RASA1: variants seen among roughly 807,000 people sequenced by gnomAD.
RASA1 encodes the protein RAS p21 protein activator 1, also known as ras GTPase-activating protein 1.
Under a neutral mutation model 132.2 loss-of-function variants are expected in RASA1, and 25 were observed. The ratio of observed to expected loss-of-function variants is 0.19; its 90% CI spans 0.14 to 0.26. The LOEUF is 0.26. Among genes scored for constraint, RASA1 ranks in the 10% least tolerant of loss-of-function variants. The pLI, the probability that RASA1 is intolerant of heterozygous loss-of-function variation, is 1.00. For synonymous variants in RASA1, 477 were observed against 449.9 expected (o/e 1.06, Z -0.76); for missense variants, 964 against 1,299.2 (o/e 0.74, Z 3.97).
intron 1 of RASA1, among the ~76,000 whole-genome samples, chr5:87,313,508 C>T (rs1756080597): frequency 1.3e-5 from 2 of 152,138 alleles, no homozygotes; most frequent in African/African-American, 4.8e-5. Context: ...ATAGGCAGGA[C>T]TTTTTGACAG....
At position 87,291,840 on chromosome 5, in the gene RASA1, C is replaced by T. The variant is rs1472917915; in HGVS notation, c.539+22850C>T. On this transcript the variant is annotated intron_variant, in intron 1 of 24. Transcript: ENST00000274376. ...GACACCATGCTTCCTACACAGCCTG[C>T]AGAACCATGAGCCAGTTAAACCACT... Among the ~76,000 whole-genome samples the T allele has an allele frequency of 2.0e-5, 3 of 152,198 alleles. No individual in the cohort carries two copies. The East Asian group carries it at 5.8e-4, about 29-fold the overall frequency.
In RASA1 at chr5:87,383,761, G is replaced by C. The variant is rs375135791; in HGVS notation, c.2739G>C (p.Arg913=). 2.0e-5 allele frequency: 32 copies of C among 1,610,966 alleles called. No homozygotes were observed. The Admixed American group carries it at 2.2e-4, about 11-fold the overall frequency. Residue 913 remains arginine, a synonymous_variant, in exon 21 of 25, where the codon CGG becomes CGC. Coordinates refer to ENST00000274376, the MANE Select transcript of RASA1 (RefSeq NM_002890.3). The part of the protein sequence containing the change: ...RLICPAILNP[R]MFNIISDSPS... Reference sequence around the variant, plus strand: ...TCTGTCCTGCCATCCTGAATCCACGGATGTTCAATATCATCTCAGGTAATC... The same window carrying C: ...TCTGTCCTGCCATCCTGAATCCACGCATGTTCAATATCATCTCAGGTAATC...
chr5:87,298,396 G>C (rs1439620995), intron 1 of RASA1, among the ~76,000 whole-genome samples: 2 of 145,860 alleles, frequency 1.4e-5, no homozygotes, highest in Non-Finnish European at 3.0e-5. Flanking sequence ...CTGGACGACA[G>C]AGCGAGACTC....
At chr5:87,272,057 C>T (rs898058291) in intron 1 of RASA1, among the ~76,000 whole-genome samples, 1 of 150,520 alleles carries the variant, frequency 6.6e-6, no homozygotes, top group African/African-American at 2.4e-5. Flanking sequence ...GAGGTTGAGG[C>T]AGAATTGCTT....
At chr5:87,329,315 G>T in intron 1 of RASA1, among the ~76,000 whole-genome samples, 1 of 151,376 alleles carries the variant, frequency 6.6e-6, no homozygotes, top group Non-Finnish European at 1.5e-5. Context: ...GGTAGCATGT[G>T]TCTGCAGTCT....
rs150804394 is a variant in RASA1 at position 87,268,983 on chromosome 5, A to T, written c.532A>T (p.Thr178Ser). 1.2e-6 allele frequency: 2 copies of T among 1,614,220 alleles called. No homozygotes were observed. The highest frequency in any genetic ancestry group is 8.5e-7 in the Non-Finnish European group (1 of 1,180,048). The change falls in exon 1 of 25, where the codon ACT (threonine) becomes TCT (serine). Residue 178 changes from threonine to serine, a missense_variant. Coordinates refer to ENST00000274376, the MANE Select transcript of RASA1 (RefSeq NM_002890.3). The part of the protein sequence containing the change: ...EVAIPLTAPP[T>S]NQWYHGKLDR... The stretch of plus-strand genomic sequence containing the variant: ...GGCCATACCGTTGACCGCTCCTCCA[A>T]CTAACCAGTAAGTTAAGACTGCTGT...
intron 1 of RASA1, among the ~76,000 whole-genome samples, chr5:87,286,865 T>C (rs1465902583): frequency 6.7e-6 from 1 of 150,062 alleles, no homozygotes; most frequent in Non-Finnish European, 1.5e-5. Flanking sequence ...CATATACATA[T>C]ACACCATATA....
chr5:87,351,979 A>G (rs113023252), intron 8 of RASA1, among the ~76,000 whole-genome samples: 203 of 151,982 alleles, frequency 1.3e-3, no homozygotes, highest in African/African-American at 4.7e-3. Context: ...TTTTGCTTTA[A>G]AACACATAGT....
chr5:87,376,618 A>C, intron 16 of RASA1, 53 bp downstream of exon 16: 1 of 1,565,646 alleles, frequency 6.4e-7, no homozygotes. Flanking sequence ...GAAACATTTA[A>C]CATTTAATAA....
At chr5:87,353,105 G>A in intron 8 of RASA1, 52 bp from the exon 9 acceptor site, 1 of 1,422,832 alleles carries the variant, frequency 7.0e-7, no homozygotes. Flanking sequence ...TATTTTTAAA[G>A]ATTTTGCAGT....
In RASA1 at chr5:87,327,521, T is replaced by C. The variant is rs144049767; in HGVS notation, c.540-3827T>C. 4.4e-3 allele frequency among the ~76,000 whole-genome samples: 673 copies of C among 152,318 alleles called. 6 individuals are homozygous for C. The highest frequency in any genetic ancestry group is 8.3e-3 in the East Asian group (43 of 5,194). On this transcript the variant is annotated intron_variant, in intron 1 of 24. Transcript: ENST00000274376. Reference sequence around the variant, plus strand: ...AGATTTGGTATGTTTAGGGTGGCATTGCCATAGATTGGAGGTTTCTTGGGT... The same window carrying C: ...AGATTTGGTATGTTTAGGGTGGCATCGCCATAGATTGGAGGTTTCTTGGGT...
At chr5:87,388,736 A>G (rs1475384611) in intron 23 of RASA1, among the ~76,000 whole-genome samples, 3 of 149,440 alleles carry the variant, frequency 2.0e-5, no homozygotes, top group African/African-American at 7.7e-5. Context: ...TTCTCATTGC[A>G]TTTTCATAGT....
intron 1 of RASA1, among the ~76,000 whole-genome samples, chr5:87,287,666 TAC>T (rs1217980021): frequency 2.1e-4 from 31 of 146,804 alleles, no homozygotes; most frequent in African/African-American, 6.3e-4. Context: ...GCCATAGATA[TAC>T]ACCATATATG....
chr5:87,383,499 C>T (rs945225969), intron 20 of RASA1, among the ~76,000 whole-genome samples: 1 of 152,078 alleles, frequency 6.6e-6, no homozygotes, highest in Non-Finnish European at 1.5e-5. Flanking sequence ...GTGAGTAATA[C>T]ATTCAAGAAG....
At chr5:87,353,670 ATGTC>A (rs1178044898) in intron 9 of RASA1, among the ~76,000 whole-genome samples, 1 of 152,002 alleles carries the variant, frequency 6.6e-6, no homozygotes, top group African/African-American at 2.4e-5. Context: ...GGATTTGAGA[ATGTC>A]TGTATACTCT....
At chr5:87,285,407 T>C (rs1195696272) in intron 1 of RASA1, among the ~76,000 whole-genome samples, 1 of 151,924 alleles carries the variant, frequency 6.6e-6, no homozygotes, top group Non-Finnish European at 1.5e-5. Flanking sequence ...GAAATGGTAT[T>C]ATCTTCCTAG....
At chr5:87,291,906 A>G (rs1374750808) in intron 1 of RASA1, among the ~76,000 whole-genome samples, 1 of 152,232 alleles carries the variant, frequency 6.6e-6, no homozygotes, top group Admixed American at 6.5e-5. Flanking sequence ...ATAGCCATGC[A>G]AGAATGGTCT....
chr5:87,338,533 A>ATT (rs1491365794), intron 5 of RASA1, among the ~76,000 whole-genome samples: 1 of 91,318 alleles, frequency 1.1e-5, no homozygotes, highest in African/African-American at 5.1e-5. Context: ...ATATATATAT[A>ATT]AAATTTTTTT....
At chr5:87,311,640 A>T (rs1451768517) in intron 1 of RASA1, among the ~76,000 whole-genome samples, 1 of 152,240 alleles carries the variant, frequency 6.6e-6, no homozygotes, top group Non-Finnish European at 1.5e-5. Flanking sequence ...CAGCAGCAGT[A>T]TGTGACAACA....
Sources: gnomAD v4.1 joint callset for allele counts (sites outside exome capture counted in the v4.1 genomes callset) on GRCh38, gnomAD v4.1.1 for gene constraint, MANE v1.5 for transcripts, NCBI Gene and HGNC (gene_info 2026-07-23, HGNC 2026-07-21) for gene names.